The following APOBEC3F variants were observed in gnomAD, a reference collection of about 807,000 sequenced individuals.
APOBEC3F encodes the protein DNA dC->dU-editing enzyme APOBEC-3F.
A neutral mutation model predicts 45.8 loss-of-function variants in APOBEC3F; 34 were observed. That is an observed-to-expected ratio of 0.74 (90% CI 0.57 to 0.99). The LOEUF (loss-of-function observed/expected upper bound fraction) is 0.99, where lower values mean the gene tolerates loss of function less well. Among genes scored for constraint, APOBEC3F ranks in the 50% least tolerant of loss-of-function variants. APOBEC3F has a pLI of 0.00. For synonymous variants in APOBEC3F, 192 were observed against 174.4 expected, an observed-to-expected ratio of 1.10 and a Z score of -0.80; for missense variants, 459 against 474.1, an observed-to-expected ratio of 0.97 and a Z score of 0.30.
At chr22:39,041,841 A>C (rs1198070496) in intron 1 of APOBEC3F, among the ~76,000 whole-genome samples, 1 of 152,160 alleles carries the variant, frequency 6.6e-6, no homozygotes, top group Non-Finnish European at 1.5e-5. Flanking sequence ...CAGCCTGGGC[A>C]ACAAGAGCCA....
chr22:39,052,435 G>A, intron 6 of APOBEC3F, 82 bp downstream of exon 6: 1 of 1,585,474 alleles, frequency 6.3e-7, no homozygotes. Context: ...CGTGGGGCGG[G>A]GCAGTGTCCC....
At chr22:39,044,287 C>G in intron 2 of APOBEC3F, 1 of 1,542,638 alleles carries the variant, frequency 6.5e-7, no homozygotes, top group Non-Finnish European at 8.7e-7. Context: ...TGCCAGAATT[C>G]ACGCATGAGG....
At chr22:39,045,660 T>C in intron 4 of APOBEC3F, 118 bp downstream of exon 4, 1 of 1,541,650 alleles carries the variant, frequency 6.5e-7, no homozygotes, top group Non-Finnish European at 8.8e-7. Flanking sequence ...GCCCTCATGG[T>C]TACACCCCTC....
At chr22:39,051,143 A>G (rs1348270504) in intron 5 of APOBEC3F, among the ~76,000 whole-genome samples, 1 of 151,956 alleles carries the variant, frequency 6.6e-6, no homozygotes, top group Non-Finnish European at 1.5e-5. Context: ...TGGCTTAGGC[A>G]GGAAAATCGC....
At chr22:39,045,265 A>C (rs1227599744) in intron 3 of APOBEC3F, 45 bp downstream of exon 3, 3 of 1,601,592 alleles carry the variant, frequency 1.9e-6, no homozygotes, top group Non-Finnish European at 2.6e-6. Flanking sequence ...GAGGAACAGC[A>C]TGAAAGATGG....
Position 39,055,688 on chromosome 22 carries a change from T to TA in APOBEC3F, c.*2996dup, listed in dbSNP as rs1464797190. On this transcript the variant is annotated 3_prime_UTR_variant, in exon 7 of 7. Transcript: ENST00000308521. Reference sequence around the variant, plus strand: ...GGCGCTGCTACCTGGGCCTGGTAGTTAAAGATCAACTCCTGACCTGACCGC... The same window carrying TA: ...GGCGCTGCTACCTGGGCCTGGTAGTTAAAAGATCAACTCCTGACCTGACCGC... Among the ~76,000 whole-genome samples the TA allele has an allele frequency of 2.6e-5, 4 of 152,170 alleles. No homozygotes were observed. Among genetic ancestry groups the TA allele is most frequent in the African/African-American group, 9.7e-5 (4 of 41,438 alleles).
At chr22:39,044,262 G>C (rs1289517089) in intron 2 of APOBEC3F, 4 of 1,570,456 alleles carry the variant, frequency 2.5e-6, no homozygotes, top group Non-Finnish European at 3.5e-6. Context: ...GTGAATGGAT[G>C]CCTGGGAGAA....
chr22:39,051,740 C>T (rs1927496381), intron 5 of APOBEC3F, among the ~76,000 whole-genome samples: 1 of 151,750 alleles, frequency 6.6e-6, no homozygotes, highest in South Asian at 2.1e-4. Context: ...TGGCTTGAGC[C>T]CAAGAGTTCG....
intron 6 of APOBEC3F, 66 bp from the exon 7 acceptor site, chr22:39,052,511 G>A: frequency 6.4e-7 from 1 of 1,570,892 alleles, no homozygotes; most frequent in Non-Finnish European, 8.6e-7. Flanking sequence ...GGGCTTGGAG[G>A]GGAGGGCCCA....
chr22:39,042,341 C>T lies in APOBEC3F; in HGVS notation c.18-596C>T, dbSNP rs1270493435. ...TTTTTTTTTTTTTGAGATGGAGTTT[C>T]GCTCTTGTAGCCCAGGCTGGAGTGC... On this transcript the variant is annotated intron_variant, in intron 1 of 6. Coordinates refer to ENST00000308521, the MANE Select transcript of APOBEC3F (RefSeq NM_145298.6). 1.3e-4 allele frequency among the ~76,000 whole-genome samples: 15 copies of T among 118,302 alleles called. No homozygotes were observed. In the East Asian group the frequency reaches 2.6e-3, roughly 21 times the overall value. The allele number at this position is 118,302 out of a possible 152,430, so 77.6% of individuals were successfully genotyped here.
intron 2 of APOBEC3F, chr22:39,044,482 C>A: frequency 1.0e-6 from 1 of 994,042 alleles, no homozygotes; most frequent in Non-Finnish European, 1.4e-6. Flanking sequence ...GGCCTGCGAG[C>A]TGCACAGTCA....
intron 5 of APOBEC3F, among the ~76,000 whole-genome samples, 187 bp from the exon 6 acceptor site, chr22:39,051,887 A>G (rs574023353): frequency 1.3e-5 from 2 of 152,246 alleles, no homozygotes; most frequent in East Asian, 3.9e-4. Context: ...CTGGGAGGTC[A>G]AGGCTGCAGT....
intron 5 of APOBEC3F, among the ~76,000 whole-genome samples, chr22:39,050,834 A>T (rs547918765): frequency 1.3e-5 from 2 of 151,150 alleles, no homozygotes; most frequent in African/African-American, 4.9e-5. Flanking sequence ...CAGACCCCAT[A>T]GGACCAGGCC....
Position 39,055,754 on chromosome 22 carries a change from T to C in APOBEC3F, c.*3059T>C, listed in dbSNP as rs970356971. Among the ~76,000 whole-genome samples the C allele has an allele frequency of 4.6e-5, 7 of 152,296 alleles. No individual in the cohort carries two copies. Among genetic ancestry groups the C allele is most frequent in the African/African-American group, 1.4e-4 (6 of 41,564 alleles). On this transcript the variant is annotated 3_prime_UTR_variant, in exon 7 of 7. Coordinates refer to ENST00000308521, the MANE Select transcript of APOBEC3F (RefSeq NM_145298.6). ...ATTCCAGACATTGTATGAGGAAGCA[T>C]TGTGAAACTTTCTGGTCTGTTCTGC... is the stretch of plus-strand genomic sequence containing the variant.
At position 39,054,666 on chromosome 22, in the gene APOBEC3F, A is replaced by G. The variant is rs1281326166; in HGVS notation, c.*1971A>G. On this transcript the variant is annotated 3_prime_UTR_variant, in exon 7 of 7. Transcript: ENST00000308521. ...ACCTGTTGCTGTCTCTGTTCTCCCA[A>G]CATGGTGAACACCACCCGGACTGCG... Among the ~76,000 whole-genome samples, 1 of 152,192 alleles carries G rather than the reference A, an allele frequency of 6.6e-6. No homozygotes were observed. Among genetic ancestry groups the G allele is most frequent in the Admixed American group, 6.5e-5 (1 of 15,272 alleles).
At position 39,052,266 on chromosome 22, in the gene APOBEC3F, C is replaced by T. The variant is rs1927526697; in HGVS notation, c.916C>T (p.Leu306Phe). 2 of 1,614,136 alleles carry T rather than the reference C, an allele frequency of 1.2e-6. No homozygotes were observed. Among genetic ancestry groups the T allele is most frequent in the Non-Finnish European group, 8.5e-7 (1 of 1,180,054 alleles). Residue 306 changes from leucine (L) to phenylalanine (F), a missense_variant, in exon 6 of 7, where the codon CTC becomes TTC. Physicochemically the swap from Leu to Phe is conservative, Grantham distance 22 (BLOSUM62 0). Transcript: ENST00000308521. ...GAATCTCACCATCTTCACCGCCCGCCTCTACTACTTCTGGGATACAGATTA... is the reference window on the plus strand; with the variant it reads ...GAATCTCACCATCTTCACCGCCCGCTTCTACTACTTCTGGGATACAGATTA... ...NVNLTIFTAR[L>F]YYFWDTDYQE...
chr22:39,049,311 C>G, intron 4 of APOBEC3F, 114 bp from the exon 5 acceptor site: 1 of 1,279,300 alleles, frequency 7.8e-7, no homozygotes, highest in Non-Finnish European at 1.1e-6. Flanking sequence ...AGTCTTTCTG[C>G]CTGGGAAAGC....
At chr22:39,047,485 AG>A (rs1927279525) in intron 4 of APOBEC3F, among the ~76,000 whole-genome samples, 2 of 152,180 alleles carry the variant, frequency 1.3e-5, no homozygotes, top group South Asian at 4.1e-4. Context: ...CCTGCCAGGG[AG>A]GGTGCACATG....
At chr22:39,051,010 G>A (rs1406718379) in intron 5 of APOBEC3F, among the ~76,000 whole-genome samples, 1 of 152,146 alleles carries the variant, frequency 6.6e-6, no homozygotes, top group Non-Finnish European at 1.5e-5. Context: ...AGGCTGAGGC[G>A]GGCGGATCAT....
Sources: gnomAD v4.1 joint callset for allele counts (sites outside exome capture counted in the v4.1 genomes callset) on GRCh38, gnomAD v4.1.1 for gene constraint, MANE v1.5 for transcripts, NCBI Gene and HGNC (gene_info 2026-07-23, HGNC 2026-07-21) for gene names.